Variants in SUPT3H observed in about 807,000 individuals in gnomAD.
The protein encoded by SUPT3H is transcription initiation protein SPT3 homolog.
In SUPT3H, 44 loss-of-function variants were observed where a neutral mutation model predicts 44.3. That is an observed-to-expected ratio of 0.99 (90% CI 0.78 to 1.28). SUPT3H has a LOEUF of 1.28. Ranked by LOEUF, SUPT3H falls within the 50% of genes most tolerant of loss-of-function variation. SUPT3H has a pLI of 0.00. For missense variants in SUPT3H, 380 were observed against 387.1 expected (o/e 0.98, Z 0.15); for synonymous variants, 124 against 125.6 (o/e 0.99, Z 0.09).
chr6:45,312,933 A>G (rs976387168), intron 2 of SUPT3H, among the ~76,000 whole-genome samples: 5 of 152,216 alleles, frequency 3.3e-5, no homozygotes, highest in Non-Finnish European at 7.3e-5. Flanking sequence ...AATGCTATCA[A>G]GCACTTTCTC....
At chr6:45,223,466 C>T (rs981995652) in intron 2 of SUPT3H, among the ~76,000 whole-genome samples, 2 of 151,914 alleles carry the variant, frequency 1.3e-5, no homozygotes, top group African/African-American at 2.4e-5. Flanking sequence ...ATACTAAATT[C>T]GTATGTACCT....
chr6:45,126,807 T>A, intron 2 of SUPT3H, among the ~76,000 whole-genome samples: 1 of 152,216 alleles, frequency 6.6e-6, no homozygotes, highest in Non-Finnish European at 1.5e-5. Context: ...TTTTGAAGGA[T>A]TCCATAATAA....
chr6:44,856,819 G>A (rs571014243), intron 10 of SUPT3H, among the ~76,000 whole-genome samples: 1 of 152,306 alleles, frequency 6.6e-6, no homozygotes, highest in South Asian at 2.1e-4. Context: ...GCAATTAAAT[G>A]TATAGCATTG....
intron 3 of SUPT3H, among the ~76,000 whole-genome samples, chr6:45,091,094 T>C (rs145836400): frequency 6.6e-6 from 1 of 151,952 alleles, no homozygotes; most frequent in Non-Finnish European, 1.5e-5. Flanking sequence ...TGAATTACCT[T>C]TGTCCAGTGG....
At chr6:45,019,082 G>A (rs1784731962) in intron 4 of SUPT3H, among the ~76,000 whole-genome samples, 1 of 152,120 alleles carries the variant, frequency 6.6e-6, no homozygotes, top group Admixed American at 6.6e-5. Flanking sequence ...TTGGGAGAGT[G>A]TATCTGTCAA....
intron 4 of SUPT3H, 55 bp from the exon 5 acceptor site, chr6:45,014,946 C>T (rs988631098): frequency 8.0e-6 from 9 of 1,128,432 alleles, no homozygotes; most frequent in African/African-American, 1.6e-5. Context: ...ATTCACTTTA[C>T]TGATTAAAGA....
At chr6:45,301,335 T>C (rs566621297) in intron 2 of SUPT3H, among the ~76,000 whole-genome samples, 2 of 152,366 alleles carry the variant, frequency 1.3e-5, no homozygotes. Context: ...TTATAACTCA[T>C]GCTCTTTTCC....
At chr6:44,855,230 A>G (rs1316510882) in intron 10 of SUPT3H, among the ~76,000 whole-genome samples, 1 of 152,208 alleles carries the variant, frequency 6.6e-6, no homozygotes, top group Non-Finnish European at 1.5e-5. Context: ...GCTGTGGATC[A>G]GGGAGGTGCT....
chr6:45,329,255 C>A (rs1316676328), intron 2 of SUPT3H, among the ~76,000 whole-genome samples: 1 of 151,954 alleles, frequency 6.6e-6, no homozygotes, highest in East Asian at 1.9e-4. Flanking sequence ...ATGTATAACA[C>A]AGAAATAAAC....
At chr6:45,119,183 T>TC (rs1474211334) in intron 2 of SUPT3H, among the ~76,000 whole-genome samples, 95 of 152,326 alleles carry the variant, frequency 6.2e-4, no homozygotes, top group African/African-American at 2.1e-3. Context: ...ATCCCACTCC[T>TC]AGATGCTTCC....
intron 10 of SUPT3H, among the ~76,000 whole-genome samples, chr6:44,830,889 A>ATTTTTTTTTTTTTTTTTTTT (rs1421325921): frequency 6.6e-6 from 1 of 151,830 alleles, no homozygotes; most frequent in African/African-American, 2.4e-5. Context: ...AGCCACAGCC[A>ATTTTTTTTTTTTTTTTTTTT]TATTTTAAGA....
chr6:45,105,377 A>G (rs1799127755), intron 3 of SUPT3H, among the ~76,000 whole-genome samples: 1 of 152,176 alleles, frequency 6.6e-6, no homozygotes, highest in African/African-American at 2.4e-5. Context: ...GTTCAGTTAC[A>G]GACCACTGCA....
At chr6:44,912,621 C>T (rs895692104) in intron 10 of SUPT3H, among the ~76,000 whole-genome samples, 6 of 152,124 alleles carry the variant, frequency 3.9e-5, no homozygotes, top group African/African-American at 1.4e-4. Context: ...GTAGTGCTGC[C>T]CCACAAGAAT....
chr6:45,351,894 GCTGA>G (rs970381294), intron 2 of SUPT3H, among the ~76,000 whole-genome samples: 2 of 152,006 alleles, frequency 1.3e-5, no homozygotes, highest in African/African-American at 4.8e-5. Context: ...CCTTATAAAT[GCTGA>G]CTAAGCTCAG....
intron 2 of SUPT3H, among the ~76,000 whole-genome samples, chr6:45,214,755 A>T (rs1249151606): frequency 6.6e-6 from 1 of 152,134 alleles, no homozygotes; most frequent in African/African-American, 2.4e-5. Flanking sequence ...AGGGTAAGGG[A>T]GGAAGATCAC....
At chr6:44,949,148 C>G (rs1415313838) in intron 9 of SUPT3H, among the ~76,000 whole-genome samples, 20 of 152,058 alleles carry the variant, frequency 1.3e-4, no homozygotes, top group Non-Finnish European at 8.8e-5. Context: ...GGACAGAAAA[C>G]CAAACACCGC....
At chr6:45,249,073 G>A (rs887326899) in intron 2 of SUPT3H, among the ~76,000 whole-genome samples, 6 of 152,054 alleles carry the variant, frequency 3.9e-5, no homozygotes, top group African/African-American at 1.2e-4. Context: ...GAAACCACGT[G>A]ATATCGTTTC....
At chr6:45,200,448 G>GCA (rs1457714854) in intron 2 of SUPT3H, among the ~76,000 whole-genome samples, 2 of 151,366 alleles carry the variant, frequency 1.3e-5, no homozygotes, top group Non-Finnish European at 1.5e-5. Flanking sequence ...CCATTTTGAT[G>GCA]CACATTTTAA....
At chr6:45,333,092 A>C (rs1451367784) in intron 2 of SUPT3H, among the ~76,000 whole-genome samples, 1 of 151,744 alleles carries the variant, frequency 6.6e-6, no homozygotes, top group Non-Finnish European at 1.5e-5. Flanking sequence ...AAAATTCTTC[A>C]TCAAATCTGA....
Sources: gnomAD v4.1 joint callset for allele counts (sites outside exome capture counted in the v4.1 genomes callset) on GRCh38, gnomAD v4.1.1 for gene constraint, MANE v1.5 for transcripts, NCBI Gene and HGNC (gene_info 2026-07-23, HGNC 2026-07-21) for gene names.